The following GLI2 variants were observed in gnomAD, a reference collection of about 807,000 sequenced individuals.
GLI2 encodes the protein transcription activator GLI2.
In GLI2, 22 loss-of-function variants were observed where a neutral mutation model predicts 78.9. The ratio of observed to expected loss-of-function variants is 0.28; its 90% CI spans 0.20 to 0.40. GLI2 has a LOEUF of 0.40. Among genes scored for constraint, GLI2 ranks in the 10% least tolerant of loss-of-function variants. The pLI is 1.00. For synonymous variants in GLI2, 974 were observed against 963.7 expected (o/e 1.01, Z -0.20); for missense variants, 2,097 against 2,213.2 (o/e 0.95, Z 1.05).
chr2:120,842,408 C>G (rs932758029), intron 2 of GLI2, among the ~76,000 whole-genome samples: 13 of 152,080 alleles, frequency 8.5e-5, no homozygotes, highest in African/African-American at 3.1e-4. Context: ...AGACCTGGAG[C>G]GCTTCTTCAT....
At chr2:120,757,491 G>A (rs1010610726) in intron 1 of GLI2, among the ~76,000 whole-genome samples, 2 of 152,134 alleles carry the variant, frequency 1.3e-5, no homozygotes, top group Admixed American at 6.5e-5. Flanking sequence ...TTCCAGTCTG[G>A]CTGGTGGGCA....
At chr2:120,782,938 C>A (rs1448947746) in intron 1 of GLI2, among the ~76,000 whole-genome samples, 1 of 152,190 alleles carries the variant, frequency 6.6e-6, no homozygotes. Flanking sequence ...CCATGAGGCT[C>A]CCCTACCTGG....
chr2:120,869,997 A>G (rs896819190), intron 2 of GLI2, among the ~76,000 whole-genome samples: 2 of 152,210 alleles, frequency 1.3e-5, no homozygotes, highest in Non-Finnish European at 2.9e-5. Flanking sequence ...AAGTTTTCCA[A>G]TTTCTAACAT....
intron 2 of GLI2, among the ~76,000 whole-genome samples, chr2:120,894,579 G>C (rs1021993981): frequency 2.0e-5 from 3 of 151,516 alleles, no homozygotes; most frequent in Non-Finnish European, 4.4e-5. Context: ...GTGTCCTTGA[G>C]GACCACAAAT....
chr2:120,788,844 G>A (rs1257531856), intron 1 of GLI2, among the ~76,000 whole-genome samples: 3 of 152,022 alleles, frequency 2.0e-5, no homozygotes, highest in Admixed American at 6.6e-5. Flanking sequence ...CAGGCCCCTG[G>A]GCTGCATCCC....
intron 2 of GLI2, among the ~76,000 whole-genome samples, chr2:120,806,779 G>C (rs139623646): frequency 2.8e-4 from 42 of 152,318 alleles, no homozygotes; most frequent in Non-Finnish European, 4.6e-4. Context: ...TGAGGGGTAA[G>C]GAGGGAAAGC....
intron 4 of GLI2, among the ~76,000 whole-genome samples, chr2:120,954,583 T>C (rs1290587943): frequency 6.6e-6 from 1 of 152,164 alleles, no homozygotes; most frequent in Non-Finnish European, 1.5e-5. Flanking sequence ...ACCTGTGGAC[T>C]CTTGATGGGG....
chr2:120,853,771 T>C (rs1172717462), intron 2 of GLI2, among the ~76,000 whole-genome samples: 1 of 152,206 alleles, frequency 6.6e-6, no homozygotes, highest in Non-Finnish European at 1.5e-5. Context: ...GGTCCCCACC[T>C]TGGGACTTGC....
rs565059889 is a variant in GLI2, at chr2:120,975,484, C to T, written c.1317+375C>T. On this transcript the variant is annotated intron_variant, in intron 9 of 13. Coordinates refer to ENST00000361492, the MANE Select transcript of GLI2 (RefSeq NM_001374353.1). ...AATAGCCAGTGCAAAGAGGGAAATA[C>T]GATTAGTTAAACCAGCCAGTATCTA... 1.8e-4 allele frequency among the ~76,000 whole-genome samples: 27 copies of T among 150,910 alleles called. 1 individual carries two copies. The South Asian group carries it at 5.1e-3, about 28-fold the overall frequency.
At chr2:120,952,958 C>T (rs1681069264) in intron 4 of GLI2, among the ~76,000 whole-genome samples, 1 of 152,244 alleles carries the variant, frequency 6.6e-6, no homozygotes, top group Admixed American at 6.5e-5. Flanking sequence ...AGCCTTGGTT[C>T]CCTCGGACAG....
chr2:120,984,609 C>A lies in GLI2; in HGVS notation c.1771C>A (p.Pro591Thr), dbSNP rs779910601. 6.2e-7 allele frequency: 1 copy of A among 1,614,242 alleles called. No homozygotes were observed. Among genetic ancestry groups the A allele is most frequent in the Non-Finnish European group, 8.5e-7 (1 of 1,180,038 alleles). Residue 591 changes from proline (P) to threonine (T), a missense_variant, in exon 12 of 14, where the codon CCG (proline) becomes ACG (threonine). Coordinates refer to ENST00000361492, the MANE Select transcript of GLI2 (RefSeq NM_001374353.1). ...GCGCAATGACGTGCACCTCCGCACA[C>A]CGCTGCTCAAAGAGAATGGGGACAG... ...KQRNDVHLRT[P>T]LLKENGDSEA...
At chr2:120,841,163 A>C (rs57829908) in intron 2 of GLI2, among the ~76,000 whole-genome samples, 2,361 of 152,344 alleles carry the variant, frequency 0.015, 67 homozygotes, top group African/African-American at 0.052. Flanking sequence ...ACACATTTTG[A>C]GAAAGAACTG....
At chr2:120,758,573 G>A (rs968536773) in intron 1 of GLI2, among the ~76,000 whole-genome samples, 1 of 152,230 alleles carries the variant, frequency 6.6e-6, no homozygotes, top group African/African-American at 2.4e-5. Flanking sequence ...GGGAAGCCAC[G>A]GCCAGGCCCA....
intron 2 of GLI2, among the ~76,000 whole-genome samples, chr2:120,888,287 C>T (rs1231577017): frequency 2.6e-5 from 4 of 152,188 alleles, no homozygotes; most frequent in African/African-American, 7.2e-5. Context: ...GTTGCTTTCT[C>T]GTTTGGCAAG....
In GLI2 at chr2:120,968,734, C is replaced by G. The variant is rs763688196; in HGVS notation, c.664C>G (p.Arg222Gly). The change falls in exon 6 of 14, where the codon CGG becomes GGG. Residue 222 changes from arginine to glycine, a missense_variant. Arg to Gly is a moderately radical substitution (Grantham distance 125). Transcript: ENST00000361492. Reference protein sequence around the residue: ...PVDVSRFSSPRVTPRLSRKRA... With the variant: ...PVDVSRFSSPGVTPRLSRKRA... The stretch of plus-strand genomic sequence containing the variant: ...CACAGTGTCCCGTTTCTCCAGCCCG[C>G]GGGTGACGCCCCGCCTGAGCCGCAA... The G allele has an allele frequency of 4.3e-6, 7 of 1,613,446 alleles. 1 individual carries two copies. Among genetic ancestry groups the G allele is most frequent in the Non-Finnish European group, 5.1e-6 (6 of 1,179,762 alleles).
chr2:120,876,846 T>C (rs2104696187), intron 2 of GLI2, among the ~76,000 whole-genome samples: 1 of 152,314 alleles, frequency 6.6e-6, no homozygotes, highest in African/African-American at 2.4e-5. Flanking sequence ...TGCAGAATGA[T>C]GTTTAGGATT....
intron 2 of GLI2, among the ~76,000 whole-genome samples, chr2:120,914,961 G>A (rs1237795140): frequency 6.6e-6 from 1 of 152,230 alleles, no homozygotes. Context: ...CAAGGCCACT[G>A]TTGCAGGGAA....
At chr2:120,884,794 C>T (rs1053384445) in intron 2 of GLI2, among the ~76,000 whole-genome samples, 1 of 152,222 alleles carries the variant, frequency 6.6e-6, no homozygotes, top group African/African-American at 2.4e-5. Flanking sequence ...CAGGCTTCTG[C>T]TCAGCCTTGC....
rs538931361 is a variant in GLI2, at chr2:120,848,417, T to A, written c.148+50949T>A. 1.5e-4 allele frequency among the ~76,000 whole-genome samples: 23 copies of A among 152,178 alleles called. No individual in the cohort carries two copies. The East Asian group carries it at 4.3e-3, about 28-fold the overall frequency. On this transcript the variant is annotated intron_variant, in intron 2 of 13. Coordinates refer to ENST00000361492, the MANE Select transcript of GLI2 (RefSeq NM_001374353.1). Reference sequence around the variant, plus strand: ...GCCACACAGGGAGTTCGCAGCAGGGTGGTGCTCTGCCTACCGACTCGCCCC... The same window carrying A: ...GCCACACAGGGAGTTCGCAGCAGGGAGGTGCTCTGCCTACCGACTCGCCCC...
Sources: allele counts gnomAD v4.1 joint callset (sites outside exome capture counted in the v4.1 genomes callset), GRCh38; gene constraint gnomAD v4.1.1; transcripts MANE v1.5; gene names NCBI Gene and HGNC (gene_info 2026-07-23, HGNC 2026-07-21).